The following ELMO1 variants were observed in gnomAD, a reference collection of about 807,000 sequenced individuals.
ELMO1 encodes engulfment and cell motility 1.
In ELMO1, 26 loss-of-function variants were observed where a neutral mutation model predicts 98.9. The ratio of observed to expected loss-of-function variants is 0.26; its 90% CI spans 0.19 to 0.36. The LOEUF is 0.36. Ranked by LOEUF, ELMO1 falls within the 10% of genes least tolerant of loss-of-function variation. The pLI is 1.00. For missense variants in ELMO1, 627 were observed against 935.2 expected, an observed-to-expected ratio of 0.67 and a Z score of 4.30; for synonymous variants, 346 against 346.0, an observed-to-expected ratio of 1.00 and a Z score of 0.00.
chr7:37,141,967 G>A (rs1218314821), intron 13 of ELMO1, among the ~76,000 whole-genome samples: 1 of 152,170 alleles, frequency 6.6e-6, no homozygotes, highest in Non-Finnish European at 1.5e-5. Flanking sequence ...AAAGAGCATC[G>A]CTGTCCACAA....
At chr7:37,146,798 A>T (rs1338934774) in intron 13 of ELMO1, among the ~76,000 whole-genome samples, 1 of 152,208 alleles carries the variant, frequency 6.6e-6, no homozygotes, top group Non-Finnish European at 1.5e-5. Flanking sequence ...CAGAAAAATA[A>T]CTGTGACAAG....
intron 16 of ELMO1, among the ~76,000 whole-genome samples, chr7:36,980,551 A>C (rs925450039): frequency 6.6e-6 from 1 of 152,232 alleles, no homozygotes; most frequent in African/African-American, 2.4e-5. Context: ...TAGAAACCAC[A>C]CTTTAAAGCA....
chr7:37,349,104 G>T (rs1431524478), intron 1 of ELMO1, among the ~76,000 whole-genome samples: 1 of 152,184 alleles, frequency 6.6e-6, no homozygotes, highest in Admixed American at 6.5e-5. Flanking sequence ...GGCCAGTGGA[G>T]GCCAGGGCAG....
intron 13 of ELMO1, among the ~76,000 whole-genome samples, chr7:37,153,015 A>G (rs1788468770): frequency 6.6e-6 from 1 of 152,176 alleles, no homozygotes. Flanking sequence ...AGCTGCTCAG[A>G]GAAGGAGTGA....
At chr7:36,896,332 A>G (rs1805994136) in intron 16 of ELMO1, among the ~76,000 whole-genome samples, 1 of 152,182 alleles carries the variant, frequency 6.6e-6, no homozygotes, top group South Asian at 2.1e-4. Flanking sequence ...TTTGGCATAG[A>G]TTTGATGTTG....
intron 19 of ELMO1, among the ~76,000 whole-genome samples, chr7:36,877,067 T>C (rs927438369): frequency 6.6e-6 from 1 of 152,204 alleles, no homozygotes; most frequent in Non-Finnish European, 1.5e-5. Flanking sequence ...TCACCTTCAA[T>C]GGCCGTGAGC....
intron 13 of ELMO1, among the ~76,000 whole-genome samples, chr7:37,159,906 C>A (rs1053099865): frequency 3.3e-5 from 5 of 152,178 alleles, no homozygotes; most frequent in Non-Finnish European, 7.4e-5. Context: ...TAGGCACATA[C>A]ATGAATACCA....
At chr7:37,374,683 G>A (rs28650250) in intron 1 of ELMO1, among the ~76,000 whole-genome samples, 9,674 of 152,044 alleles carry the variant, frequency 0.064, 1,058 homozygotes, top group African/African-American at 0.22. Flanking sequence ...CCCAGGAGCC[G>A]GAGGTTGCAG....
chr7:37,115,759 A>G (rs1015195538), intron 14 of ELMO1, among the ~76,000 whole-genome samples: 10 of 152,128 alleles, frequency 6.6e-5, no homozygotes, highest in African/African-American at 2.4e-4. Context: ...ATAAGAAAAA[A>G]AAAAAAAGGG....
At chr7:37,389,498 T>C (rs761634116) in intron 1 of ELMO1, among the ~76,000 whole-genome samples, 1 of 152,236 alleles carries the variant, frequency 6.6e-6, no homozygotes, top group African/African-American at 2.4e-5. Flanking sequence ...CTATTTCCTC[T>C]AGCGGAAGCA....
intron 4 of ELMO1, among the ~76,000 whole-genome samples, chr7:37,281,873 C>T (rs1437437863): frequency 4.6e-5 from 7 of 152,152 alleles, no homozygotes; most frequent in East Asian, 1.9e-4. Flanking sequence ...ACACAATGTA[C>T]GAGGAGAATG....
intron 15 of ELMO1, among the ~76,000 whole-genome samples, chr7:37,026,321 T>G (rs1562906022): frequency 6.6e-6 from 1 of 152,108 alleles, no homozygotes; most frequent in Non-Finnish European, 1.5e-5. Flanking sequence ...CACCTTAACC[T>G]GGGGCTCAGA....
intron 6 of ELMO1, among the ~76,000 whole-genome samples, chr7:37,244,778 A>G (rs1794914382): frequency 6.6e-6 from 1 of 152,176 alleles, no homozygotes; most frequent in Admixed American, 6.5e-5. Flanking sequence ...ATAAAGAAAT[A>G]TTTTATTATC....
intron 15 of ELMO1, among the ~76,000 whole-genome samples, chr7:37,044,082 T>A (rs887452496): frequency 7.2e-5 from 11 of 152,186 alleles, no homozygotes; most frequent in Non-Finnish European, 1.6e-4. Flanking sequence ...TTTAAAAAAC[T>A]ATTACAACAA....
intron 16 of ELMO1, among the ~76,000 whole-genome samples, chr7:36,932,445 G>A (rs1786126222): frequency 6.6e-6 from 1 of 152,194 alleles, no homozygotes; most frequent in Non-Finnish European, 1.5e-5. Context: ...ATGCATGGAT[G>A]AAAAAATCTC....
rs568865584 is a variant in ELMO1, at chr7:37,198,301, G to T, written c.1086+13085C>A. ...CAGACCCAGCTGGTTATAGTCAAAT[G>T]AAGAATGTCCCCAGTCATCTGGGTT... is the stretch of plus-strand genomic sequence containing the variant. On this transcript the variant is annotated intron_variant, in intron 13 of 21. Coordinates refer to ENST00000310758, the MANE Select transcript of ELMO1 (RefSeq NM_014800.11). Among the ~76,000 whole-genome samples the T allele has an allele frequency of 1.2e-3, 177 of 152,304 alleles. No individual in the cohort carries two copies. The Middle Eastern group carries it at 0.014, about 12-fold the overall frequency.
chr7:37,201,559 A>C (rs887412287), intron 13 of ELMO1, among the ~76,000 whole-genome samples: 3 of 152,236 alleles, frequency 2.0e-5, no homozygotes, highest in Admixed American at 2.0e-4. Flanking sequence ...CACATCCAAC[A>C]ATGCTTCTAG....
chr7:37,004,840 G>C (rs987224428), intron 16 of ELMO1, among the ~76,000 whole-genome samples: 1 of 152,132 alleles, frequency 6.6e-6, no homozygotes, highest in Admixed American at 6.5e-5. Context: ...GCCGGGCGCG[G>C]TGGCTCATGC....
At chr7:36,976,746 G>A (rs1389740486) in intron 16 of ELMO1, among the ~76,000 whole-genome samples, 1 of 152,240 alleles carries the variant, frequency 6.6e-6, no homozygotes, top group Non-Finnish European at 1.5e-5. Flanking sequence ...CACAGGTGCA[G>A]TTGCAAGATG....
Sources: allele counts gnomAD v4.1 joint callset (sites outside exome capture counted in the v4.1 genomes callset), GRCh38; gene constraint gnomAD v4.1.1; transcripts MANE v1.5; gene names NCBI Gene and HGNC (gene_info 2026-07-23, HGNC 2026-07-21).